ACOXL: variants seen among roughly 807,000 people sequenced by gnomAD.
ACOXL encodes the protein acyl-CoA oxidase like, also known as acyl-coenzyme A oxidase-like protein.
ACOXL carries 70 observed loss-of-function variants against 71.9 expected under a neutral mutation model. That is an observed-to-expected ratio of 0.97 (90% CI 0.80 to 1.19). The LOEUF (loss-of-function observed/expected upper bound fraction) is 1.19, where lower values mean the gene tolerates loss of function less well. Ranked by LOEUF, ACOXL falls within the 50% of genes most tolerant of loss-of-function variation. The pLI is 0.00. For synonymous variants in ACOXL, 253 were observed against 281.6 expected (o/e 0.90, Z 1.02); for missense variants, 703 against 736.3 (o/e 0.95, Z 0.52).
intron 17 of ACOXL, among the ~76,000 whole-genome samples, chr2:111,110,715 A>T (rs1323103617): frequency 6.6e-6 from 1 of 152,190 alleles, no homozygotes; most frequent in African/African-American, 2.4e-5. Flanking sequence ...ATCTCTCTGA[A>T]ATCACTTCAT....
intron 10 of ACOXL, among the ~76,000 whole-genome samples, chr2:110,852,269 G>C (rs144766948): frequency 2.6e-5 from 4 of 152,186 alleles, no homozygotes; most frequent in African/African-American, 9.7e-5. Context: ...ATTTCATGGC[G>C]TGGTGGAGGG....
chr2:110,985,658 T>C (rs2062900154), intron 12 of ACOXL, among the ~76,000 whole-genome samples: 1 of 152,150 alleles, frequency 6.6e-6, no homozygotes, highest in South Asian at 2.1e-4. Flanking sequence ...GTGTCACTTG[T>C]GTACTGGCCT....
chr2:110,996,105 A>G (rs1266290355), intron 14 of ACOXL, 101 bp downstream of exon 14: 1 of 978,538 alleles, frequency 1.0e-6, no homozygotes, highest in East Asian at 2.5e-5. Context: ...GAGTCAGCCT[A>G]ATGACAAGCT....
intron 11 of ACOXL, among the ~76,000 whole-genome samples, chr2:110,919,728 C>T (rs1218379645): frequency 6.6e-6 from 1 of 152,170 alleles, no homozygotes; most frequent in Non-Finnish European, 1.5e-5. Flanking sequence ...TTAACTTCTT[C>T]CCACAGTCTT....
At chr2:110,848,866 C>T (rs746043216) in intron 10 of ACOXL, among the ~76,000 whole-genome samples, 16 of 152,230 alleles carry the variant, frequency 1.1e-4, no homozygotes, top group Admixed American at 2.0e-4. Context: ...TAAGAAGGCC[C>T]CTTGGGCTTC....
rs2105267904 is a variant in ACOXL at position 110,794,139 on chromosome 2, A to G, written c.310A>G (p.Ile104Val). 1 of 1,614,148 alleles carries G rather than the reference A, an allele frequency of 6.2e-7. No individual in the cohort carries two copies. The highest frequency in any genetic ancestry group is 2.2e-5 in the East Asian group (1 of 44,870). Residue 104 changes from isoleucine to valine, a missense_variant, in exon 5 of 18, where the codon ATC becomes GTC. By Grantham distance (29) the Ile-to-Val change is conservative. Coordinates refer to ENST00000439055, the MANE Select transcript of ACOXL (RefSeq NM_001142807.4). ...GGGCCATGGGAGCAACGCGAGAGGG[A>G]TCCAGACCGAAGCCACCTTTGACCT... ...ERGHGSNARG[I>V]QTEATFDLSA... is the part of the protein sequence containing the mutation.
chr2:111,031,406 A>C (rs1219941157), intron 14 of ACOXL, among the ~76,000 whole-genome samples: 1 of 152,146 alleles, frequency 6.6e-6, no homozygotes, highest in African/African-American at 2.4e-5. Context: ...CATTAGTATA[A>C]ATTAATATAA....
chr2:110,957,452 C>A (rs75160213), intron 12 of ACOXL, among the ~76,000 whole-genome samples: 6,885 of 152,222 alleles, frequency 0.045, 415 homozygotes, highest in East Asian at 0.19. Context: ...TACGAAGTGC[C>A]ATAGACTGGG....
intron 10 of ACOXL, among the ~76,000 whole-genome samples, chr2:110,866,487 C>T (rs868279618): frequency 6.6e-5 from 10 of 152,124 alleles, no homozygotes; most frequent in South Asian, 4.2e-4. Context: ...GTGGGCCAAG[C>T]AAGGCAACGT....
intron 1 of ACOXL, among the ~76,000 whole-genome samples, chr2:110,767,949 CA>C: frequency 6.6e-6 from 1 of 150,386 alleles, no homozygotes; most frequent in Admixed American, 6.6e-5. Flanking sequence ...CACACACACA[CA>C]CACACACACA....
intron 10 of ACOXL, among the ~76,000 whole-genome samples, chr2:110,885,502 T>G (rs10189620): frequency 0.32 from 48,637 of 151,728 alleles, 7,980 homozygotes; most frequent in Middle Eastern, 0.39. Context: ...TTTTACAATT[T>G]GTTATGCTTC....
At chr2:110,869,226 G>A (rs577515861) in intron 10 of ACOXL, among the ~76,000 whole-genome samples, 31 of 152,220 alleles carry the variant, frequency 2.0e-4, no homozygotes, top group Admixed American at 1.6e-3. Flanking sequence ...GGGGCCCACC[G>A]GCATTGTGAA....
intron 9 of ACOXL, among the ~76,000 whole-genome samples, chr2:110,822,325 C>G (rs1158613534): frequency 6.6e-6 from 1 of 152,152 alleles, no homozygotes; most frequent in South Asian, 2.1e-4. Context: ...GTCTTCTAGC[C>G]TTTCTCCTTG....
At chr2:111,040,842 A>G (rs991786906) in intron 15 of ACOXL, among the ~76,000 whole-genome samples, 9 of 152,012 alleles carry the variant, frequency 5.9e-5, no homozygotes, top group African/African-American at 2.2e-4. Context: ...TGTAGGGCCA[A>G]TGTGAGGGTG....
chr2:110,959,338 C>T (rs2061614403), intron 12 of ACOXL, among the ~76,000 whole-genome samples: 1 of 152,198 alleles, frequency 6.6e-6, no homozygotes, highest in Non-Finnish European at 1.5e-5. Flanking sequence ...AAGTCCTGCT[C>T]TTCTCCCAGC....
intron 10 of ACOXL, among the ~76,000 whole-genome samples, chr2:110,843,172 C>T (rs1691383838): frequency 6.6e-6 from 1 of 152,192 alleles, no homozygotes; most frequent in Non-Finnish European, 1.5e-5. Flanking sequence ...CAGCTAAGAT[C>T]TTGCTCTAGT....
intron 12 of ACOXL, among the ~76,000 whole-genome samples, chr2:110,977,999 A>G (rs1558816686): frequency 6.6e-6 from 1 of 152,174 alleles, no homozygotes; most frequent in Non-Finnish European, 1.5e-5. Flanking sequence ...ACCAATGAGG[A>G]AAGAGCAGAT....
intron 17 of ACOXL, among the ~76,000 whole-genome samples, chr2:111,095,038 C>A (rs1267953852): frequency 2.0e-5 from 3 of 152,138 alleles, no homozygotes; most frequent in Admixed American, 6.5e-5. Context: ...CCACTGAATT[C>A]TATCAGTCAG....
At chr2:111,099,074 C>T (rs2150042245) in intron 17 of ACOXL, 1 of 152,230 alleles carries the variant, frequency 6.6e-6, no homozygotes, top group Admixed American at 6.5e-5. Context: ...GGGTTAAGCT[C>T]CAGGCATCAC....
Sources: allele counts gnomAD v4.1 joint callset (sites outside exome capture counted in the v4.1 genomes callset), GRCh38; gene constraint gnomAD v4.1.1; transcripts MANE v1.5; gene names NCBI Gene and HGNC (gene_info 2026-07-23, HGNC 2026-07-21).